Variants in PCCA observed in about 807,000 individuals in gnomAD.
PCCA encodes propionyl-CoA carboxylase alpha chain, mitochondrial.
In PCCA, 74 loss-of-function variants were observed where a neutral mutation model predicts 101.3. That is an observed-to-expected ratio of 0.73 (90% CI 0.61 to 0.89). PCCA has a LOEUF of 0.89. Ranked by LOEUF, PCCA falls within the 40% of genes least tolerant of loss-of-function variation. The pLI is 0.00. For missense variants in PCCA, 891 were observed against 907.0 expected (o/e 0.98, Z 0.23); for synonymous variants, 294 against 313.6 (o/e 0.94, Z 0.66).
intron 8 of PCCA, among the ~76,000 whole-genome samples, chr13:100,252,168 G>A (rs983243301): frequency 1.3e-5 from 2 of 152,150 alleles, no homozygotes; most frequent in African/African-American, 4.8e-5. Context: ...CTCTTCTGAG[G>A]TCCTATTACC....
chr13:100,168,617 G>A (rs2055302471), intron 6 of PCCA, among the ~76,000 whole-genome samples: 1 of 152,148 alleles, frequency 6.6e-6, no homozygotes, highest in East Asian at 1.9e-4. Flanking sequence ...TTCTACCTAG[G>A]TGACTCTTGA....
In PCCA at chr13:100,394,935, G is replaced by A. The variant is rs530340585; in HGVS notation, c.1746+26361G>A. ...AAGGCAGCTTTTATCTTCTGTGTCC[G>A]TGATTCTAATTACATTTCAGGGGGT... On this transcript the variant is annotated intron_variant, in intron 19 of 23. Coordinates refer to ENST00000376285, the MANE Select transcript of PCCA (RefSeq NM_000282.4). This position sits in a 1 kb window ranked among gnomAD's most constrained non-coding sequence, Gnocchi z 4.3. 4.6e-5 allele frequency among the ~76,000 whole-genome samples: 7 copies of A among 152,170 alleles called. No homozygotes were observed. Among genetic ancestry groups the A allele is most frequent in the African/African-American group, 9.6e-5 (4 of 41,506 alleles).
At chr13:100,260,397 G>GTGT (rs1281656944) in intron 9 of PCCA, among the ~76,000 whole-genome samples, 1 of 149,182 alleles carries the variant, frequency 6.7e-6, no homozygotes, top group Admixed American at 6.6e-5. Flanking sequence ...GTGTGTGTGT[G>GTGT]TTTTTTTTTT....
intron 23 of PCCA, 43 bp downstream of exon 23, chr13:100,527,795 G>A (rs772570467): frequency 4.0e-5 from 55 of 1,387,580 alleles, no homozygotes; most frequent in South Asian, 5.8e-5. Flanking sequence ...GCCCTGTGAT[G>A]GAGGAACGCC....
chr13:100,184,960 A>G lies in PCCA; in HGVS notation c.469-24372A>G, dbSNP rs149544270. On this transcript the variant is annotated intron_variant, in intron 6 of 23. Coordinates refer to ENST00000376285, the MANE Select transcript of PCCA (RefSeq NM_000282.4). ...TATTAACTGAAATCTATCTGTTTAG[A>G]ATATTTACCTATTTTTTCAGTAGTG... is the stretch of plus-strand genomic sequence containing the variant. 2.0e-3 allele frequency among the ~76,000 whole-genome samples: 306 copies of G among 152,340 alleles called. 2 individuals are homozygous for G. The highest frequency in any genetic ancestry group is 7.0e-3 in the African/African-American group (291 of 41,582).
intron 16 of PCCA, among the ~76,000 whole-genome samples, chr13:100,320,345 GAACTTCCAACACTA>G (rs2067885517): frequency 6.6e-6 from 1 of 152,198 alleles, no homozygotes; most frequent in South Asian, 2.1e-4. Context: ...GCCCTGGCCA[GAACTTCCAACACTA>G]TGTTGAATAG....
chr13:100,242,138 A>G (rs1321883014), intron 8 of PCCA, among the ~76,000 whole-genome samples: 1 of 152,200 alleles, frequency 6.6e-6, no homozygotes, highest in East Asian at 1.9e-4. Context: ...ATAGATTAAA[A>G]AAAGTGACTC....
chr13:100,321,005 C>T lies in PCCA; in HGVS notation c.1430-9556C>T, dbSNP rs181481035. Among the ~76,000 whole-genome samples, 5 of 151,892 alleles carry T rather than the reference C, an allele frequency of 3.3e-5. No homozygotes were observed. The East Asian group carries it at 9.7e-4, about 30-fold the overall frequency. On this transcript the variant is annotated intron_variant, in intron 16 of 23. Transcript: ENST00000376285. ...AAGCAGTCCTCCTCCCTCAGCCTCC[C>T]AAAGGGCTGGGATTACAGGTGTGAG...
intron 19 of PCCA, among the ~76,000 whole-genome samples, chr13:100,411,301 C>T (rs1424621310): frequency 6.6e-6 from 1 of 150,968 alleles, no homozygotes; most frequent in Non-Finnish European, 1.5e-5. Flanking sequence ...TCTTGACTCA[C>T]TGTTACCTCT....
At chr13:100,186,271 T>G (rs940969013) in intron 6 of PCCA, among the ~76,000 whole-genome samples, 1 of 152,196 alleles carries the variant, frequency 6.6e-6, no homozygotes, top group Non-Finnish European at 1.5e-5. Flanking sequence ...GATATGGCGT[T>G]TGAAACAATT....
At position 100,503,493 on chromosome 13, in the gene PCCA, C is replaced by T. The variant is rs889163779; in HGVS notation, c.1900-11934C>T. On this transcript the variant is annotated intron_variant, in intron 21 of 23. Coordinates refer to ENST00000376285, the MANE Select transcript of PCCA (RefSeq NM_000282.4). ...CAACAAGAGCGAAACTCCATCCCCC[C>T]CCAAAAAAGAAATTATAATAAAATA... 4.6e-5 allele frequency among the ~76,000 whole-genome samples: 7 copies of T among 151,610 alleles called. No homozygotes were observed. The South Asian group carries it at 8.3e-4, about 18-fold the overall frequency.
chr13:100,107,812 C>T (rs150284079), intron 2 of PCCA, among the ~76,000 whole-genome samples: 2 of 152,310 alleles, frequency 1.3e-5, no homozygotes, highest in African/African-American at 4.8e-5. Flanking sequence ...AGATAATGCA[C>T]AGAAGAGATT....
intron 12 of PCCA, among the ~76,000 whole-genome samples, chr13:100,285,222 A>C (rs1165731120): frequency 2.0e-5 from 3 of 152,104 alleles, no homozygotes; most frequent in Non-Finnish European, 2.9e-5. Context: ...TAGCCAGGCC[A>C]CTCTGTACGC....
intron 19 of PCCA, among the ~76,000 whole-genome samples, chr13:100,416,419 T>G (rs980405525): frequency 1.3e-5 from 2 of 152,044 alleles, no homozygotes; most frequent in Admixed American, 1.3e-4. Context: ...TGACCTCAAG[T>G]ACTCCGCCCG....
rs551691829 is a variant in PCCA, at chr13:100,410,765, T to G, written c.1747-14868T>G. Among the ~76,000 whole-genome samples, 9 of 152,354 alleles carry G rather than the reference T, an allele frequency of 5.9e-5. No homozygotes were observed. In the South Asian group the frequency reaches 1.7e-3, roughly 28 times the overall value. On this transcript the variant is annotated intron_variant, in intron 19 of 23. Transcript: ENST00000376285. ...CACTGACAACCTAGCACACTCTTTT[T>G]TTTCCCCAAGAGAAACTCGTTTCTT...
intron 2 of PCCA, among the ~76,000 whole-genome samples, chr13:100,108,354 A>G (rs990839692): frequency 1.3e-5 from 2 of 152,104 alleles, no homozygotes; most frequent in African/African-American, 4.8e-5. Context: ...CCTAATTTAT[A>G]GTTGTTTTTT....
At chr13:100,125,691 ATTTCT>A (rs1435204819) in intron 4 of PCCA, among the ~76,000 whole-genome samples, 10 of 152,282 alleles carry the variant, frequency 6.6e-5, no homozygotes, top group Non-Finnish European at 1.3e-4. Context: ...ATGTGTAGAC[ATTTCT>A]TTTCCTTTTC....
intron 9 of PCCA, among the ~76,000 whole-genome samples, chr13:100,261,442 C>T (rs1350753634): frequency 1.3e-5 from 2 of 151,614 alleles, no homozygotes; most frequent in East Asian, 1.9e-4. Context: ...TTCTGCCCAC[C>T]GTAGCCTCTG....
Position 100,170,613 on chromosome 13 carries a change from A to G in PCCA, c.468+13273A>G, listed in dbSNP as rs910151463. On this transcript the variant is annotated intron_variant, in intron 6 of 23. Transcript: ENST00000376285. ...TGGTGTAGCGCCTGTCTGTACCACT[A>G]CGTGTGTGCATGTGTACATGTTCCT... Among the ~76,000 whole-genome samples the G allele has an allele frequency of 4.6e-5, 7 of 152,310 alleles. No individual in the cohort carries two copies. The South Asian group carries it at 1.5e-3, about 32-fold the overall frequency.
Sources: gnomAD v4.1 joint callset for allele counts (sites outside exome capture counted in the v4.1 genomes callset) on GRCh38, gnomAD v4.1.1 for gene constraint, Gnocchi (gnomAD v3.1) non-coding constraint, MANE v1.5 for transcripts, NCBI Gene and HGNC (gene_info 2026-07-23, HGNC 2026-07-21) for gene names.